AMZ1: variants seen among roughly 807,000 people sequenced by gnomAD.
The protein encoded by AMZ1 is archaelysin family metallopeptidase 1.
In AMZ1, 39 loss-of-function variants were observed where a neutral mutation model predicts 29.9. That is an observed-to-expected ratio of 1.30 (90% CI 1.01 to 1.70). The LOEUF is 1.70. Ranked by LOEUF, AMZ1 falls within the 40% of genes most tolerant of loss-of-function variation. The pLI is 0.00. For synonymous variants in AMZ1, 458 were observed against 304.0 expected (o/e 1.51, Z -5.27); for missense variants, 1,041 against 680.6 (o/e 1.53, Z -5.89).
chr7:2,697,510 A>T (rs1787814083), intron 1 of AMZ1, among the ~76,000 whole-genome samples: 1 of 151,516 alleles, frequency 6.6e-6, no homozygotes, highest in Non-Finnish European at 1.5e-5. Context: ...TGCAGCCTTG[A>T]CTTTCTGGGC....
upstream of AMZ1, chr7:2,762,801 T>A (rs755231677): frequency 4.6e-6 from 7 of 1,534,356 alleles, no homozygotes; most frequent in Non-Finnish European, 5.3e-6. Flanking sequence ...GGAGGAGCAC[T>A]CAGGGCGGCC....
intron 4 of AMZ1, among the ~76,000 whole-genome samples, chr7:2,739,086 G>C (rs757519472): frequency 5.3e-5 from 8 of 152,192 alleles, no homozygotes; most frequent in Admixed American, 5.2e-4. Context: ...TCCTCGGCGT[G>C]TGCAGGGTTG....
downstream of AMZ1, among the ~76,000 whole-genome samples, chr7:2,721,993 G>A (rs902552319): frequency 6.6e-6 from 1 of 152,214 alleles, no homozygotes; most frequent in Non-Finnish European, 1.5e-5. Context: ...GGTGGTGCTG[G>A]CGCTGTAGCG....
chr7:2,760,149 C>T (rs149319596), upstream of AMZ1, among the ~76,000 whole-genome samples: 4 of 152,366 alleles, frequency 2.6e-5, no homozygotes, highest in South Asian at 2.1e-4. Context: ...ACGTGATGGA[C>T]GTGCTTTCTT....
At position 2,709,040 on chromosome 7, in the gene AMZ1, C is replaced by T. The variant is rs376387894; in HGVS notation, c.602-35C>T. The stretch of plus-strand genomic sequence containing the variant: ...GTGGGCCCCCCAGAGCCAAGGCTGA[C>T]CCCTGAGAGTGCCCTTCTCTCCATC... On this transcript the variant is annotated intron_variant, in intron 4 of 6. Transcript: ENST00000683327. 3.9e-6 allele frequency: 6 copies of T among 1,533,946 alleles called. No individual in the cohort carries two copies. The African/African-American group carries it at 5.5e-5, about 14-fold the overall frequency.
downstream of AMZ1, among the ~76,000 whole-genome samples, chr7:2,720,467 G>T (rs1478050845): frequency 6.6e-6 from 1 of 152,082 alleles, no homozygotes; most frequent in African/African-American, 2.4e-5. Context: ...CCAGTGGTGC[G>T]ATCTTGGCTC....
At position 2,712,461 on chromosome 7, in the gene AMZ1, C is replaced by G. The variant is rs146192727; in HGVS notation, c.1080C>G (p.Pro360=). Reference sequence around the variant, plus strand: ...TGTGCTGTGAGAGTGACTCGGAGCCCGGCACCAGTGTGTCGGAGCCCCTCA... The same window carrying G: ...TGTGCTGTGAGAGTGACTCGGAGCCGGGCACCAGTGTGTCGGAGCCCCTCA... ...SGMCCESDSE[P]GTSVSEPLTP... Residue 360 remains proline (P), a synonymous_variant, in exon 7 of 7, where the codon CCC becomes CCG. Transcript: ENST00000683327. The G allele has an allele frequency of 6.2e-7, 1 of 1,611,122 alleles. No homozygotes were observed.
rs1789324073 is a variant in AMZ1, at chr7:2,719,443, C to T, written c.*6565C>T. ...ATCCCTTGGCCCGACGCACAAGTCCCACAATAGCCTCTCCCAACGGGAACG... is the reference window on the plus strand; with the variant it reads ...ATCCCTTGGCCCGACGCACAAGTCCTACAATAGCCTCTCCCAACGGGAACG... On this transcript the variant is annotated 3_prime_UTR_variant, in exon 7 of 7. Transcript: ENST00000683327. Among the ~76,000 whole-genome samples the T allele has an allele frequency of 6.6e-6, 1 of 152,238 alleles. No homozygotes were observed. The highest frequency in any genetic ancestry group is 2.1e-4 in the South Asian group (1 of 4,836).
downstream of AMZ1, among the ~76,000 whole-genome samples, chr7:2,720,254 G>A (rs1255970080): frequency 4.6e-5 from 7 of 152,162 alleles, no homozygotes; most frequent in African/African-American, 1.7e-4. Flanking sequence ...CACTGCTGGA[G>A]GCTTTTAAAA....
At chr7:2,754,500 T>C (rs1396444539) in intron 4 of AMZ1, among the ~76,000 whole-genome samples, 1 of 151,912 alleles carries the variant, frequency 6.6e-6, no homozygotes. Flanking sequence ...CCCAGCACTT[T>C]GGGAGGCCAG....
rs1562389650 is a variant in AMZ1 at position 2,731,027 on chromosome 7, C to T, written n.550+21211C>T. ...TCCATGTCCTTTTGCCTAGAGCTCGCTGGCTGGCTGGTCTGACAGCATTCC... is the reference window on the plus strand; with the variant it reads ...TCCATGTCCTTTTGCCTAGAGCTCGTTGGCTGGCTGGTCTGACAGCATTCC... On this transcript the variant is annotated intron_variant and non_coding_transcript_variant, in intron 4 of 4. Coordinates refer to the AMZ1 transcript ENST00000489665. The surrounding 1 kb of genome is among the most constrained non-coding windows in gnomAD (Gnocchi z 6.0). The T allele has an allele frequency of 3.5e-6, 2 of 573,324 alleles. No homozygotes were observed. The highest frequency in any genetic ancestry group is 3.0e-5 in the Admixed American group (1 of 33,500). The allele number at this position is 573,324 out of a possible 1,614,324, so 35.5% of individuals were successfully genotyped here.
rs896623394 is a variant in AMZ1 at position 2,702,697 on chromosome 7, G to A, written c.305-25G>A. 77 of 1,512,578 alleles carry A rather than the reference G, an allele frequency of 5.1e-5. 1 individual carries two copies. Among genetic ancestry groups the A allele is most frequent in the Non-Finnish European group, 6.3e-5 (71 of 1,129,994 alleles). The allele number at this position is 1,512,578 out of a possible 1,614,324, so 93.7% of individuals were successfully genotyped here. On this transcript the variant is annotated intron_variant, in intron 2 of 6. Coordinates refer to ENST00000683327, the MANE Select transcript of AMZ1 (RefSeq NM_001384743.1). Reference sequence around the variant, plus strand: ...CCCAGGCGGGCAGGGGCGTCGCAGGGCTGACGGTGCTGCTCTCCCACCAGA... The same window carrying A: ...CCCAGGCGGGCAGGGGCGTCGCAGGACTGACGGTGCTGCTCTCCCACCAGA...
chr7:2,716,926 A>G lies in AMZ1; in HGVS notation c.*4048A>G, dbSNP rs983082150. On this transcript the variant is annotated 3_prime_UTR_variant, in exon 7 of 7. Transcript: ENST00000683327. ...AACGGCAGAGCGGAAGTTGAGGCGCAGTCTGTTCTTGCTTGAACCCCGAGT... is the reference window on the plus strand; with the variant it reads ...AACGGCAGAGCGGAAGTTGAGGCGCGGTCTGTTCTTGCTTGAACCCCGAGT... Among the ~76,000 whole-genome samples, 1 of 152,222 alleles carries G rather than the reference A, an allele frequency of 6.6e-6. No individual in the cohort carries two copies. The highest frequency in any genetic ancestry group is 1.5e-5 in the Non-Finnish European group (1 of 68,038).
At chr7:2,700,012 C>T (rs1386524340) in intron 1 of AMZ1, among the ~76,000 whole-genome samples, 1 of 152,050 alleles carries the variant, frequency 6.6e-6, no homozygotes, top group Non-Finnish European at 1.5e-5. Context: ...CCTGGGTGGC[C>T]CATGGGACCC....
intron 1 of AMZ1, among the ~76,000 whole-genome samples, chr7:2,690,244 G>C (rs1429670897): frequency 1.3e-5 from 2 of 151,954 alleles, no homozygotes; most frequent in Admixed American, 1.3e-4. Context: ...AGACAGACAG[G>C]GTCTTGCTCT....
upstream of AMZ1, among the ~76,000 whole-genome samples, chr7:2,686,972 C>G (rs550681138): frequency 6.6e-6 from 1 of 151,840 alleles, no homozygotes; most frequent in Non-Finnish European, 1.5e-5. Context: ...CTCAGCCTCC[C>G]AAAGTGCTGG....
At chr7:2,693,096 T>G (rs1787500189) in intron 1 of AMZ1, among the ~76,000 whole-genome samples, 1 of 145,366 alleles carries the variant, frequency 6.9e-6, no homozygotes, top group South Asian at 2.1e-4. Context: ...TGTAGGGGGG[T>G]GTTTGTTTGT....
chr7:2,745,891 T>G (rs1790740671), intron 4 of AMZ1, among the ~76,000 whole-genome samples: 1 of 152,088 alleles, frequency 6.6e-6, no homozygotes, highest in African/African-American at 2.4e-5. Context: ...TAAAACAGAC[T>G]TTAAACCAAC....
At chr7:2,693,832 G>A (rs574622516) in intron 1 of AMZ1, among the ~76,000 whole-genome samples, 130 of 152,352 alleles carry the variant, frequency 8.5e-4, no homozygotes, top group African/African-American at 3.0e-3. Context: ...TGAGAATGCA[G>A]GCATGGGCCA....
Sources: allele counts gnomAD v4.1 joint callset (sites outside exome capture counted in the v4.1 genomes callset), GRCh38; gene constraint gnomAD v4.1.1; non-coding constraint Gnocchi (gnomAD v3.1); transcripts MANE v1.5; gene names NCBI Gene and HGNC (gene_info 2026-07-23, HGNC 2026-07-21).